Variants in IFT46 observed in about 807,000 individuals in gnomAD.
IFT46 encodes the protein intraflagellar transport protein 46 homolog.
In IFT46, 19 loss-of-function variants were observed where a neutral mutation model predicts 39.6. The ratio of observed to expected loss-of-function variants is 0.48; its 90% CI spans 0.33 to 0.70. IFT46 has a LOEUF of 0.70. Among genes scored for constraint, IFT46 ranks in the 30% least tolerant of loss-of-function variants. The pLI, the probability that IFT46 is intolerant of heterozygous loss-of-function variation, is 0.01. For synonymous variants in IFT46, 117 were observed against 134.8 expected (o/e 0.87, Z 0.91); for missense variants, 334 against 364.8 (o/e 0.92, Z 0.69).
At chr11:118,559,110 C>T (rs1471879142) in intron 3 of IFT46, among the ~76,000 whole-genome samples, 6 of 151,674 alleles carry the variant, frequency 4.0e-5, no homozygotes, top group Non-Finnish European at 7.4e-5. Context: ...TCAGGTGATC[C>T]GCCCGCCTCG....
intron 7 of IFT46, 44 bp from the exon 8 acceptor site, chr11:118,552,379 C>T: frequency 6.2e-7 from 1 of 1,607,062 alleles, no homozygotes; most frequent in Non-Finnish European, 8.5e-7. Flanking sequence ...ACTGAAGTAG[C>T]TCTCTTGTTT....
At chr11:118,563,072 A>C (rs1938115923) in intron 2 of IFT46, among the ~76,000 whole-genome samples, 1 of 152,208 alleles carries the variant, frequency 6.6e-6, no homozygotes, top group Non-Finnish European at 1.5e-5. Context: ...CTCAAAAAAA[A>C]AAAAAAGTGC....
chr11:118,554,052 C>CTTT (rs782067203), intron 7 of IFT46, among the ~76,000 whole-genome samples: 1 of 138,830 alleles, frequency 7.2e-6, no homozygotes, highest in Non-Finnish European at 1.6e-5. Flanking sequence ...ATAACCATCT[C>CTTT]TTTTTTTTTT....
At position 118,565,847 on chromosome 11, in the gene IFT46, G is replaced by T. The variant is rs946219235; in HGVS notation, c.-190C>A. On this transcript the variant is annotated 5_prime_UTR_variant, in exon 1 of 12. Transcript: ENST00000264021. ...TGGAAAGAACCCCAGCCTAGGGCTGGGGTCTCACTCCAGTCTCAAAGCCAG... is the reference window on the plus strand; with the variant it reads ...TGGAAAGAACCCCAGCCTAGGGCTGTGGTCTCACTCCAGTCTCAAAGCCAG... The T allele has an allele frequency of 6.6e-6, 1 of 152,550 alleles. No individual in the cohort carries two copies. Among genetic ancestry groups the T allele is most frequent in the Non-Finnish European group, 1.5e-5 (1 of 68,028 alleles). 9.4% of individuals were successfully genotyped at this position (152,550 alleles called of 1,614,324 possible).
In IFT46 at chr11:118,558,421, C is replaced by G. The variant is rs933008791; in HGVS notation, c.45+1364G>C. On this transcript the variant is annotated intron_variant, in intron 3 of 11. Transcript: ENST00000264021. Reference sequence around the variant, plus strand: ...ACCAGCCTGACCAACATGGTGAAACCCCATCTCTACCAAAAATACAAAAAT... The same window carrying G: ...ACCAGCCTGACCAACATGGTGAAACGCCATCTCTACCAAAAATACAAAAAT... Among the ~76,000 whole-genome samples the G allele has an allele frequency of 4.7e-4, 71 of 152,114 alleles. 1 individual carries two copies. Among genetic ancestry groups the G allele is most frequent in the Non-Finnish European group, 1.9e-4 (13 of 68,004 alleles).
Position 118,556,776 on chromosome 11 carries a change from A to T in IFT46, c.185+130T>A, listed in dbSNP as rs1014675717. 35 of 1,147,420 alleles carry T rather than the reference A, an allele frequency of 3.1e-5. No individual in the cohort carries two copies. The African/African-American group carries it at 5.0e-4, about 16-fold the overall frequency. 71.1% of individuals were successfully genotyped at this position (1,147,420 alleles called of 1,614,324 possible). A position where few individuals can be genotyped will look rare whatever the true frequency, so the allele number is the denominator to read the frequency against. On this transcript the variant is annotated intron_variant, in intron 4 of 11. Coordinates refer to ENST00000264021, the MANE Select transcript of IFT46 (RefSeq NM_001168618.2). ...CATTATTATGTTGGGTTTCTGAGAC[A>T]TCTGAAAATCCTAAATACAGGAGAT...
chr11:118,549,622 T>A (rs1555067959), intron 9 of IFT46, among the ~76,000 whole-genome samples: 1 of 151,422 alleles, frequency 6.6e-6, no homozygotes, highest in Non-Finnish European at 1.5e-5. Context: ...CCTCCCAGGT[T>A]CAAGCGATTC....
At chr11:118,556,308 G>C (rs1037037313) in intron 4 of IFT46, among the ~76,000 whole-genome samples, 17 of 152,248 alleles carry the variant, frequency 1.1e-4, no homozygotes, top group Non-Finnish European at 2.4e-4. Flanking sequence ...TGGCTAACAC[G>C]GTGAAACCTC....
At chr11:118,546,223 G>A (rs374693245) in intron 9 of IFT46, 431 of 715,108 alleles carry the variant, frequency 6.0e-4, no homozygotes, top group Non-Finnish European at 9.8e-4. Context: ...TTGGTGGGGC[G>A]TGGTGGCTTC....
chr11:118,558,656 CT>C (rs1386833441), intron 3 of IFT46, among the ~76,000 whole-genome samples: 5 of 151,910 alleles, frequency 3.3e-5, no homozygotes, highest in Non-Finnish European at 7.4e-5. Flanking sequence ...TGGCTCACAC[CT>C]GTAATCCCAG....
Position 118,565,008 on chromosome 11 carries a change from G to A in IFT46, c.-79C>T, listed in dbSNP as rs1938178616. The A allele has an allele frequency of 6.6e-6, 1 of 152,422 alleles. No homozygotes were observed. The highest frequency in any genetic ancestry group is 1.5e-5 in the Non-Finnish European group (1 of 68,016). 9.4% of individuals were successfully genotyped at this position (152,422 alleles called of 1,614,324 possible). A position where few individuals can be genotyped will look rare whatever the true frequency, so the allele number is the denominator to read the frequency against. On this transcript the variant is annotated 5_prime_UTR_variant, in exon 2 of 12. Transcript: ENST00000264021. ...GAGTATAAATACTTGCAACCTCTTC[G>A]GAGTCGTTAATCTCTAGACGCTCAT...
intron 6 of IFT46, 130 bp from the exon 7 acceptor site, chr11:118,554,717 G>GA (rs1272669568): frequency 5.8e-5 from 58 of 996,496 alleles, no homozygotes; most frequent in Non-Finnish European, 7.3e-5. Flanking sequence ...ATACTATCCA[G>GA]AAAAAAAATA....
chr11:118,545,671 C>G, intron 10 of IFT46, 122 bp downstream of exon 10: 1 of 1,216,438 alleles, frequency 8.2e-7, no homozygotes, highest in Non-Finnish European at 1.2e-6. Flanking sequence ...CCAAAGAGCA[C>G]AACGGGCTTA....
intron 4 of IFT46, among the ~76,000 whole-genome samples, chr11:118,556,611 T>G (rs1257273664): frequency 2.0e-5 from 3 of 152,160 alleles, no homozygotes; most frequent in African/African-American, 7.2e-5. Flanking sequence ...GATTACAGGC[T>G]TGAGCCACCA....
intron 11 of IFT46, 56 bp downstream of exon 11, chr11:118,545,353 T>C (rs1248157381): frequency 4.7e-6 from 6 of 1,275,486 alleles, no homozygotes; most frequent in Non-Finnish European, 6.8e-6. Context: ...CTCAGAACAG[T>C]AGAAACTATA....
chr11:118,574,109 A>G (rs1191806660), upstream of IFT46, among the ~76,000 whole-genome samples: 6 of 152,212 alleles, frequency 3.9e-5, no homozygotes, highest in South Asian at 2.1e-4. Flanking sequence ...TATATAAAAT[A>G]TAACTTTTGC....
At chr11:118,567,693 G>A (rs1198218512), upstream of IFT46, among the ~76,000 whole-genome samples, 3 of 152,188 alleles carry the variant, frequency 2.0e-5, no homozygotes, top group Admixed American at 6.5e-5. Flanking sequence ...CAGCTTTTCT[G>A]GCATACTGAT....
At chr11:118,545,163 G>A in intron 11 of IFT46, 152 bp from the exon 12 acceptor site, 2 of 697,462 alleles carry the variant, frequency 2.9e-6, no homozygotes, top group Non-Finnish European at 4.9e-6. Flanking sequence ...AGTGTCCTCT[G>A]TAGATCCTCA....
chr11:118,567,554 C>T (rs920643519), upstream of IFT46, among the ~76,000 whole-genome samples: 2 of 152,128 alleles, frequency 1.3e-5, no homozygotes, highest in African/African-American at 2.4e-5. Context: ...CCAGCCTGGG[C>T]GACAGGGCGA....
Sources: allele counts gnomAD v4.1 joint callset (sites outside exome capture counted in the v4.1 genomes callset), GRCh38; gene constraint gnomAD v4.1.1; transcripts MANE v1.5; gene names NCBI Gene and HGNC (gene_info 2026-07-23, HGNC 2026-07-21).